The following AKAP9 variants were observed in gnomAD, a reference collection of about 807,000 sequenced individuals.
AKAP9 encodes the protein A-kinase anchor protein 9.
In AKAP9, 311 loss-of-function variants were observed where a neutral mutation model predicts 488.5. That is an observed-to-expected ratio of 0.64 (90% CI 0.58 to 0.70). AKAP9 has a LOEUF of 0.70. Among genes scored for constraint, AKAP9 ranks in the 30% least tolerant of loss-of-function variants. The pLI, the probability that AKAP9 is intolerant of heterozygous loss-of-function variation, is 0.00. For missense variants in AKAP9, 4,215 were observed against 4,374.5 expected (o/e 0.96, Z 1.03); for synonymous variants, 1,462 against 1,483.5 (o/e 0.99, Z 0.33).
intron 24 of AKAP9, chr7:92,063,534 G>T (rs1423954476): frequency 2.0e-6 from 2 of 983,074 alleles, no homozygotes; most frequent in Non-Finnish European, 2.4e-6. Context: ...CAATGTTTGG[G>T]TGGTAGACTT....
chr7:92,077,096 C>CTT (rs36053963), intron 29 of AKAP9, 89 bp downstream of exon 29: 439 of 256,970 alleles, frequency 1.7e-3, no homozygotes, highest in East Asian at 3.9e-3. Flanking sequence ...TTATTTCTTT[C>CTT]TTTTTTTTTT....
intron 21 of AKAP9, among the ~76,000 whole-genome samples, chr7:92,050,481 A>T (rs958358877): frequency 6.6e-6 from 1 of 152,114 alleles, no homozygotes; most frequent in African/African-American, 2.4e-5. Context: ...TAAACACAGG[A>T]GTCTCCATAG....
intron 3 of AKAP9, among the ~76,000 whole-genome samples, chr7:91,983,470 G>T (rs1002830259): frequency 3.9e-5 from 6 of 152,096 alleles, no homozygotes; most frequent in African/African-American, 1.4e-4. Flanking sequence ...ATTTGGGTTG[G>T]TTCCAAGTTT....
intron 14 of AKAP9, among the ~76,000 whole-genome samples, chr7:92,024,531 A>G (rs1385787288): frequency 6.6e-6 from 1 of 151,512 alleles, no homozygotes; most frequent in Non-Finnish European, 1.5e-5. Flanking sequence ...GTCTCTGGTG[A>G]AAGACTTTAA....
chr7:92,082,683 C>A (rs746008426), intron 32 of AKAP9, 21 bp downstream of exon 32: 2 of 1,612,748 alleles, frequency 1.2e-6, no homozygotes, highest in Admixed American at 1.7e-5. Context: ...TAACATAGCT[C>A]CTAATTCACT....
chr7:91,959,728 A>C (rs1328337698), intron 1 of AKAP9, among the ~76,000 whole-genome samples: 1 of 151,936 alleles, frequency 6.6e-6, no homozygotes, highest in Non-Finnish European at 1.5e-5. Flanking sequence ...CCTTTATTTA[A>C]AAAAAAATTA....
At chr7:91,961,202 C>T (rs921258335) in intron 1 of AKAP9, among the ~76,000 whole-genome samples, 6 of 151,880 alleles carry the variant, frequency 4.0e-5, no homozygotes, top group African/African-American at 9.7e-5. Context: ...CTCTGTTGCC[C>T]AGGCTGGAGT....
chr7:92,026,826 CCG>C (rs891529180), intron 14 of AKAP9, among the ~76,000 whole-genome samples: 10 of 151,062 alleles, frequency 6.6e-5, no homozygotes, highest in African/African-American at 2.4e-4. Flanking sequence ...CTCTGCCCGG[CCG>C]CCCCGTCTGG....
rs1445913958 is a variant in AKAP9, at chr7:92,001,317, A to G, written c.1400A>G (p.His467Arg). 2 of 1,613,876 alleles carry G rather than the reference A, an allele frequency of 1.2e-6. No individual in the cohort carries two copies. Among genetic ancestry groups the G allele is most frequent in the African/African-American group, 1.3e-5 (1 of 74,936 alleles). The change falls in exon 8 of 50, where the codon CAT (histidine) becomes CGT (arginine). Residue 467 changes from histidine (H) to arginine (R), a missense_variant. By Grantham distance (29) the His-to-Arg change is conservative. Transcript: ENST00000356239. The stretch of plus-strand genomic sequence containing the variant: ...CAGATGGAGGAAATGAAAACACGGC[A>G]TAAGGGAGAAATGGAGAATGCTTTA... ...MAQMEEMKTRHKGEMENALRS... is the reference protein window; with the variant it reads ...MAQMEEMKTRRKGEMENALRS...
intron 22 of AKAP9, among the ~76,000 whole-genome samples, chr7:92,054,693 C>T (rs1202285989): frequency 6.6e-6 from 1 of 151,856 alleles, no homozygotes; most frequent in Non-Finnish European, 1.5e-5. Flanking sequence ...GGTAACTTGC[C>T]CAGTGGTATG....
intron 28 of AKAP9, among the ~76,000 whole-genome samples, chr7:92,076,423 T>C (rs1356027895): frequency 6.6e-6 from 1 of 152,250 alleles, no homozygotes; most frequent in Non-Finnish European, 1.5e-5. Context: ...AATTAGATAT[T>C]TTTGGACTAA....
At chr7:92,108,911 A>G (rs924758020) in intron 49 of AKAP9, 18 of 492,930 alleles carry the variant, frequency 3.7e-5, no homozygotes, top group Middle Eastern at 5.7e-4. Flanking sequence ...AAAATGCACA[A>G]TGAGCACCAG....
At chr7:91,991,128 G>A (rs1797693563) in intron 3 of AKAP9, among the ~76,000 whole-genome samples, 1 of 152,050 alleles carries the variant, frequency 6.6e-6, no homozygotes, top group African/African-American at 2.4e-5. Flanking sequence ...TATCCCCTGT[G>A]GATTAAGGAA....
chr7:91,988,211 A>C (rs922487200), intron 3 of AKAP9, among the ~76,000 whole-genome samples: 1 of 151,252 alleles, frequency 6.6e-6, no homozygotes, highest in African/African-American at 2.4e-5. Context: ...ATACTGTAAG[A>C]ATAAGTATCT....
intron 1 of AKAP9, among the ~76,000 whole-genome samples, chr7:91,972,084 T>C (rs1027568148): frequency 1.3e-5 from 2 of 150,804 alleles, no homozygotes; most frequent in Non-Finnish European, 2.9e-5. Flanking sequence ...TCAGTTCTAG[T>C]AAACAATCAG....
At chr7:92,059,353 G>T (rs2130817355) in intron 22 of AKAP9, among the ~76,000 whole-genome samples, 1 of 151,934 alleles carries the variant, frequency 6.6e-6, no homozygotes, top group East Asian at 1.9e-4. Flanking sequence ...TTTGAAGGGT[G>T]TCTCATCTCC....
In AKAP9 at chr7:92,031,540, A is replaced by C. The variant is rs747689685; in HGVS notation, c.4274A>C (p.Glu1425Ala). The change falls in exon 16 of 50, where the codon GAA (glutamate) becomes GCA (alanine). Residue 1425 changes from glutamate to alanine, a missense_variant. Physicochemically the swap from Glu to Ala is moderately radical, Grantham distance 107 (BLOSUM62 -1). Coordinates refer to ENST00000356239, the MANE Select transcript of AKAP9 (RefSeq NM_005751.5). Reference sequence around the variant, plus strand: ...TCTGGTGAATTTGGAGTGAAAGAGGAAACAAATATCGTTAAGTTGCTTGAA... The same window carrying C: ...TCTGGTGAATTTGGAGTGAAAGAGGCAACAAATATCGTTAAGTTGCTTGAA... ...EFSGEFGVKE[E>A]TNIVKLLEKQ... 6.2e-6 allele frequency: 10 copies of C among 1,612,552 alleles called. No homozygotes were observed. The Admixed American group carries it at 1.5e-4, about 24-fold the overall frequency.
At chr7:92,063,540 G>C in intron 24 of AKAP9, 1 of 979,244 alleles carries the variant, frequency 1.0e-6, no homozygotes, top group Non-Finnish European at 1.2e-6. Flanking sequence ...TTGGGTGGTA[G>C]ACTTTAAACT....
chr7:92,009,566 CT>C (rs1255225038), intron 8 of AKAP9, among the ~76,000 whole-genome samples: 3 of 151,852 alleles, frequency 2.0e-5, no homozygotes, highest in African/African-American at 7.3e-5. Flanking sequence ...TATATAATTG[CT>C]TAATAAAATA....
Sources: allele counts gnomAD v4.1 joint callset (sites outside exome capture counted in the v4.1 genomes callset), GRCh38; gene constraint gnomAD v4.1.1; transcripts MANE v1.5; gene names NCBI Gene and HGNC (gene_info 2026-07-23, HGNC 2026-07-21).